Variants in ATRNL1 observed in about 807,000 individuals in gnomAD.
ATRNL1 encodes the protein attractin-like protein 1.
Under a neutral mutation model 182.7 loss-of-function variants are expected in ATRNL1, and 95 were observed. The ratio of observed to expected loss-of-function variants is 0.52; its 90% CI spans 0.44 to 0.62. The LOEUF (loss-of-function observed/expected upper bound fraction) is 0.62. Among genes scored for constraint, ATRNL1 ranks in the 20% least tolerant of loss-of-function variants. ATRNL1 has a pLI of 0.00. For missense variants in ATRNL1, 1,471 were observed against 1,679.5 expected, an observed-to-expected ratio of 0.88 and a Z score of 2.17; for synonymous variants, 576 against 568.3, an observed-to-expected ratio of 1.01 and a Z score of -0.19.
chr10:115,430,228 G>A (rs1565034896), intron 21 of ATRNL1, among the ~76,000 whole-genome samples: 1 of 152,072 alleles, frequency 6.6e-6, no homozygotes, highest in Admixed American at 6.5e-5. Flanking sequence ...TTTGGGTCTA[G>A]TGCTTTTTAA....
intron 28 of ATRNL1, among the ~76,000 whole-genome samples, chr10:115,908,296 A>G (rs1421692755): frequency 2.0e-5 from 3 of 152,184 alleles, no homozygotes; most frequent in Non-Finnish European, 2.9e-5. Flanking sequence ...TCGGAAGTCT[A>G]AAATGGATCT....
intron 22 of ATRNL1, among the ~76,000 whole-genome samples, chr10:115,464,965 T>A (rs17093112): frequency 0.16 from 24,986 of 151,544 alleles, 2,588 homozygotes; most frequent in South Asian, 0.24. Flanking sequence ...ACGATAACAC[T>A]ACAATTATAA....
intron 27 of ATRNL1, among the ~76,000 whole-genome samples, chr10:115,802,021 A>AACAC (rs60513803): frequency 0.012 from 1,511 of 125,974 alleles, 33 homozygotes; most frequent in African/African-American, 0.041. Context: ...AAAAAAAAGA[A>AACAC]ACACACACAC....
At chr10:115,419,886 C>T (rs1845572998) in intron 20 of ATRNL1, among the ~76,000 whole-genome samples, 1 of 152,160 alleles carries the variant, frequency 6.6e-6, no homozygotes, top group African/African-American at 2.4e-5. Context: ...AACAAAGAAA[C>T]TTCAGTGTCA....
At chr10:115,489,819 T>C (rs1186070) in intron 24 of ATRNL1, among the ~76,000 whole-genome samples, 3 of 152,190 alleles carry the variant, frequency 2.0e-5, no homozygotes, top group Admixed American at 2.0e-4. Context: ...CTTCATAGCA[T>C]TGATGGTCTT....
intron 27 of ATRNL1, among the ~76,000 whole-genome samples, chr10:115,799,440 A>G (rs1949739561): frequency 6.6e-6 from 1 of 152,140 alleles, no homozygotes; most frequent in Admixed American, 6.5e-5. Flanking sequence ...AAATCAGACA[A>G]TCCTATTTCA....
intron 28 of ATRNL1, among the ~76,000 whole-genome samples, chr10:115,870,328 C>G (rs1381792090): frequency 6.6e-6 from 1 of 152,166 alleles, no homozygotes; most frequent in Non-Finnish European, 1.5e-5. Context: ...CTTTGGCAAA[C>G]CAGAAGCCTG....
chr10:115,204,787 G>C (rs1554893385), intron 8 of ATRNL1, among the ~76,000 whole-genome samples: 1 of 152,062 alleles, frequency 6.6e-6, no homozygotes, highest in Non-Finnish European at 1.5e-5. Context: ...TGCTGGCCTT[G>C]AGAAATAATT....
intron 1 of ATRNL1, chr10:115,096,874 G>C: frequency 9.6e-7 from 1 of 1,037,952 alleles, no homozygotes; most frequent in South Asian, 2.3e-5. Context: ...TTCACCCAAA[G>C]CTAGACTAAA....
chr10:115,843,346 C>T (rs1950854087), intron 27 of ATRNL1, among the ~76,000 whole-genome samples: 1 of 152,024 alleles, frequency 6.6e-6, no homozygotes, highest in African/African-American at 2.4e-5. Context: ...TCTCAAGGAG[C>T]TTGATCCAGT....
At chr10:115,230,372 G>C (rs1423618354) in intron 9 of ATRNL1, among the ~76,000 whole-genome samples, 4 of 152,140 alleles carry the variant, frequency 2.6e-5, no homozygotes, top group African/African-American at 4.8e-5. Context: ...GGCGATTAAG[G>C]AGCGAGCCAT....
At chr10:115,497,028 C>T (rs1200214803) in intron 24 of ATRNL1, among the ~76,000 whole-genome samples, 1 of 152,046 alleles carries the variant, frequency 6.6e-6, no homozygotes, top group Non-Finnish European at 1.5e-5. Flanking sequence ...TTTACATAAT[C>T]CCATATTTCT....
intron 24 of ATRNL1, among the ~76,000 whole-genome samples, chr10:115,474,490 A>T (rs1331980067): frequency 1.3e-5 from 2 of 151,212 alleles, no homozygotes; most frequent in African/African-American, 4.8e-5. Context: ...AATCTCTCAT[A>T]AGATTTGGGA....
intron 15 of ATRNL1, among the ~76,000 whole-genome samples, chr10:115,296,457 G>A (rs1853197772): frequency 6.6e-6 from 1 of 152,140 alleles, no homozygotes; most frequent in African/African-American, 2.4e-5. Flanking sequence ...TCAGTCCACT[G>A]TTACTGCCAA....
intron 21 of ATRNL1, among the ~76,000 whole-genome samples, chr10:115,430,471 TA>T (rs1365711935): frequency 6.6e-6 from 1 of 152,124 alleles, no homozygotes; most frequent in Non-Finnish European, 1.5e-5. Flanking sequence ...AAAACGTAAT[TA>T]TTTTCTTAGT....
At chr10:115,618,835 T>C (rs1565218166) in intron 26 of ATRNL1, among the ~76,000 whole-genome samples, 1 of 152,220 alleles carries the variant, frequency 6.6e-6, no homozygotes, top group Non-Finnish European at 1.5e-5. Flanking sequence ...TCTTCTGTGG[T>C]CTCCTCCTGG....
Position 115,561,698 on chromosome 10 carries a change from T to G in ATRNL1, c.3795+12162T>G, listed in dbSNP as rs1304701389. On this transcript the variant is annotated intron_variant, in intron 26 of 28. Transcript: ENST00000355044. ...GTGTGTGTGTGTGTGTGGGTGTGTGTGTGTGGGTGTGTGTGTGTGTGTGTG... is the reference window on the plus strand; with the variant it reads ...GTGTGTGTGTGTGTGTGGGTGTGTGGGTGTGGGTGTGTGTGTGTGTGTGTG... 3.1e-4 allele frequency among the ~76,000 whole-genome samples: 33 copies of G among 107,758 alleles called. No homozygotes were observed. In the East Asian group the frequency reaches 4.7e-3, roughly 15 times the overall value. 70.7% of individuals were successfully genotyped at this position (107,758 alleles called of 152,430 possible).
intron 26 of ATRNL1, among the ~76,000 whole-genome samples, chr10:115,562,355 G>C (rs770740638): frequency 2.6e-5 from 4 of 152,154 alleles, no homozygotes; most frequent in Admixed American, 6.6e-5. Context: ...GGGTACATGG[G>C]TTCTTTCTGG....
chr10:115,808,246 A>G (rs782518701), intron 27 of ATRNL1, among the ~76,000 whole-genome samples: 3 of 152,170 alleles, frequency 2.0e-5, no homozygotes, highest in South Asian at 2.1e-4. Flanking sequence ...TTGCAAATTT[A>G]TCGTGTTTTC....
Sources: gnomAD v4.1 joint callset for allele counts (sites outside exome capture counted in the v4.1 genomes callset) on GRCh38, gnomAD v4.1.1 for gene constraint, MANE v1.5 for transcripts, NCBI Gene and HGNC (gene_info 2026-07-23, HGNC 2026-07-21) for gene names.